The following PAPPA2 variants were observed in gnomAD, a reference collection of about 807,000 sequenced individuals.
PAPPA2 encodes the protein pappalysin 2.
Under a neutral mutation model 176.4 loss-of-function variants are expected in PAPPA2, and 86 were observed. The ratio of observed to expected loss-of-function variants is 0.49; its 90% CI spans 0.41 to 0.58. The LOEUF (loss-of-function observed/expected upper bound fraction) is 0.58. PAPPA2 is among the 20% of genes least tolerant of loss of function. The pLI is 0.00. For synonymous variants in PAPPA2, 809 were observed against 852.2 expected, an observed-to-expected ratio of 0.95 and a Z score of 0.88; for missense variants, 2,073 against 2,256.9, an observed-to-expected ratio of 0.92 and a Z score of 1.65.
intron 17 of PAPPA2, among the ~76,000 whole-genome samples, chr1:176,784,498 T>C (rs1664847901): frequency 6.6e-6 from 1 of 152,134 alleles, no homozygotes. Flanking sequence ...ACAACACACA[T>C]TTGTTTCTCA....
At chr1:176,592,849 TA>T (rs1653745625) in intron 2 of PAPPA2, among the ~76,000 whole-genome samples, 1 of 152,224 alleles carries the variant, frequency 6.6e-6, no homozygotes, top group Admixed American at 6.5e-5. Context: ...TACTGCTTAT[TA>T]AAATAAGTGG....
At chr1:176,643,726 G>A (rs1196514068) in intron 3 of PAPPA2, among the ~76,000 whole-genome samples, 1 of 151,834 alleles carries the variant, frequency 6.6e-6, no homozygotes, top group Non-Finnish European at 1.5e-5. Flanking sequence ...ACAAAAGAGT[G>A]AGTCATAACC....
chr1:176,719,539 A>G (rs1187311110), intron 12 of PAPPA2, among the ~76,000 whole-genome samples: 1 of 152,124 alleles, frequency 6.6e-6, no homozygotes, highest in Non-Finnish European at 1.5e-5. Flanking sequence ...TATCTCTGAG[A>G]GTTCCTTTAA....
chr1:176,634,799 GAGAT>G (rs11277807), intron 3 of PAPPA2, among the ~76,000 whole-genome samples: 58,995 of 119,530 alleles, frequency 0.49, 13,146 homozygotes, highest in East Asian at 0.67. Context: ...TCCAAGGAGA[GAGAT>G]AGATAGATAG....
chr1:176,698,032 A>G (rs983015735), intron 7 of PAPPA2, among the ~76,000 whole-genome samples: 20 of 152,176 alleles, frequency 1.3e-4, no homozygotes, highest in African/African-American at 4.8e-4. Context: ...TGAAATTAAT[A>G]ATATGTGTTT....
intron 20 of PAPPA2, among the ~76,000 whole-genome samples, chr1:176,796,629 T>TTTC (rs1233591967): frequency 1.3e-5 from 2 of 149,518 alleles, no homozygotes; most frequent in Non-Finnish European, 3.0e-5. Context: ...TCTTTCTTTC[T>TTTC]TTTTCTTTCT....
At chr1:176,743,567 C>T (rs1237306271) in intron 14 of PAPPA2, among the ~76,000 whole-genome samples, 5 of 152,164 alleles carry the variant, frequency 3.3e-5, no homozygotes, top group Non-Finnish European at 5.9e-5. Context: ...AAACCTCCAA[C>T]CATCCCAGGA....
At chr1:176,643,586 A>G (rs1201568180) in intron 3 of PAPPA2, among the ~76,000 whole-genome samples, 1 of 151,786 alleles carries the variant, frequency 6.6e-6, no homozygotes, top group Non-Finnish European at 1.5e-5. Flanking sequence ...AGAATCTATC[A>G]GTGGTGAAAG....
intron 10 of PAPPA2, among the ~76,000 whole-genome samples, chr1:176,707,175 G>T (rs1467649615): frequency 6.6e-6 from 1 of 152,136 alleles, no homozygotes; most frequent in Non-Finnish European, 1.5e-5. Flanking sequence ...ACCACACATT[G>T]AAGTTTTTAA....
rs117231044 is a variant in PAPPA2 at position 176,706,816 on chromosome 1, A to G, written c.3457+366A>G. ...TCTTGGACCCTCCAGGGTAACGCCA[A>G]TATGTCAGGTAAGTAGCACAATCAA... is the stretch of plus-strand genomic sequence containing the variant. On this transcript the variant is annotated intron_variant, in intron 10 of 22. Coordinates refer to ENST00000367662, the MANE Select transcript of PAPPA2 (RefSeq NM_020318.3). 5.3e-4 allele frequency among the ~76,000 whole-genome samples: 81 copies of G among 152,334 alleles called. No homozygotes were observed. In the East Asian group the frequency reaches 9.5e-3, roughly 18 times the overall value.
chr1:176,735,495 T>C (rs544712476), intron 12 of PAPPA2, among the ~76,000 whole-genome samples: 21 of 152,160 alleles, frequency 1.4e-4, no homozygotes, highest in African/African-American at 3.9e-4. Flanking sequence ...GCATATTGAG[T>C]GTGTCTGTGC....
chr1:176,492,787 G>C (rs1351389287), intron 1 of PAPPA2, among the ~76,000 whole-genome samples: 1 of 152,124 alleles, frequency 6.6e-6, no homozygotes, highest in Non-Finnish European at 1.5e-5. Context: ...GGTTTCCAAA[G>C]CATTTTATTT....
chr1:176,812,223 G>GT (rs1188317756), intron 21 of PAPPA2, among the ~76,000 whole-genome samples: 3 of 148,670 alleles, frequency 2.0e-5, no homozygotes, highest in Admixed American at 6.7e-5. Context: ...TTTTTTTTTG[G>GT]GGGGAGGGTT....
In PAPPA2 at chr1:176,739,896, A is replaced by G. The variant is rs1382537384; in HGVS notation, c.3935-84A>G. 23 of 1,573,166 alleles carry G rather than the reference A, an allele frequency of 1.5e-5. No homozygotes were observed. In the East Asian group the frequency reaches 2.7e-4, roughly 18 times the overall value. On this transcript the variant is annotated intron_variant, in intron 13 of 22. Transcript: ENST00000367662. ...ATCTAGGTTTTGGCATCATACACCT[A>G]TTAAGAGGATAAAATGAATACAAGA...
intron 17 of PAPPA2, among the ~76,000 whole-genome samples, chr1:176,786,607 G>C (rs1283314675): frequency 6.6e-6 from 1 of 152,294 alleles, no homozygotes; most frequent in East Asian, 1.9e-4. Context: ...GGTCATCTGA[G>C]TGCTCAGCCC....
In PAPPA2 at chr1:176,711,852, T is replaced by A. The variant is rs1661160443; in HGVS notation, c.3669T>A (p.His1223Gln). The change falls in exon 12 of 23, where the codon CAT becomes CAA. Residue 1223 changes from histidine to glutamine, a missense_variant. Physicochemically the swap from His to Gln is conservative, Grantham distance 24. Transcript: ENST00000367662. ...TATTTCAGATTTGCACATCATACCA[T>A]CCAGATTTACCCAACCACCGTCCCC... ...EPHSLICTSY[H>Q]PDLPNHRPLT... is the part of the protein sequence containing the mutation. The A allele has an allele frequency of 6.2e-7, 1 of 1,610,772 alleles. No individual in the cohort carries two copies. Among genetic ancestry groups the A allele is most frequent in the African/African-American group, 1.3e-5 (1 of 74,866 alleles).
chr1:176,753,891 T>C (rs1663295046), intron 14 of PAPPA2, among the ~76,000 whole-genome samples: 1 of 151,952 alleles, frequency 6.6e-6, no homozygotes, highest in South Asian at 2.1e-4. Flanking sequence ...GATTTGTCCA[T>C]AAAATAAGAA....
chr1:176,815,337 A>C (rs1198558700), intron 21 of PAPPA2, among the ~76,000 whole-genome samples: 1 of 152,102 alleles, frequency 6.6e-6, no homozygotes, highest in African/African-American at 2.4e-5. Flanking sequence ...AATTCTATAA[A>C]AGTGATACAT....
intron 1 of PAPPA2, among the ~76,000 whole-genome samples, chr1:176,493,033 A>G (rs145051125): frequency 1.5e-4 from 23 of 152,328 alleles, no homozygotes; most frequent in African/African-American, 5.3e-4. Flanking sequence ...GTTGGTCACA[A>G]TCCAATAAAT....
Sources: allele counts gnomAD v4.1 joint callset (sites outside exome capture counted in the v4.1 genomes callset), GRCh38; gene constraint gnomAD v4.1.1; transcripts MANE v1.5; gene names NCBI Gene and HGNC (gene_info 2026-07-23, HGNC 2026-07-21).